VCAN: variants seen among roughly 807,000 people sequenced by gnomAD.
VCAN encodes the protein versican core protein.
A neutral mutation model predicts 245.5 loss-of-function variants in VCAN; 44 were observed. That is an observed-to-expected ratio of 0.18 (90% CI 0.14 to 0.23). The LOEUF is 0.23. Ranked by LOEUF, VCAN falls within the 10% of genes least tolerant of loss-of-function variation. The probability of loss-of-function intolerance (pLI) is 1.00; values close to 1 mark genes in which losing one functional copy is unlikely to be tolerated. For synonymous variants in VCAN, 1,413 were observed against 1,437.0 expected (o/e 0.98, Z 0.38); for missense variants, 3,793 against 4,057.9 (o/e 0.93, Z 1.77).
chr5:83,564,347 C>A (rs1747995546), intron 12 of VCAN, among the ~76,000 whole-genome samples: 1 of 152,040 alleles, frequency 6.6e-6, no homozygotes. Flanking sequence ...TGTTTCAAAA[C>A]CACATTCACA....
chr5:83,557,928 A>C (rs1747734039), intron 12 of VCAN, among the ~76,000 whole-genome samples: 1 of 152,162 alleles, frequency 6.6e-6, no homozygotes. Flanking sequence ...GAAATGACAC[A>C]AGTAAATCCA....
At chr5:83,558,002 CTAAGGAA>C (rs1473398835) in intron 12 of VCAN, among the ~76,000 whole-genome samples, 4 of 152,142 alleles carry the variant, frequency 2.6e-5, no homozygotes, top group Admixed American at 2.0e-4. Context: ...TAAAAGTGTG[CTAAGGAA>C]TGTCCCTTAA....
At chr5:83,505,308 A>G (rs571136632) in intron 5 of VCAN, among the ~76,000 whole-genome samples, 2 of 152,338 alleles carry the variant, frequency 1.3e-5, no homozygotes, top group Admixed American at 6.5e-5. Context: ...AAAAATCAAA[A>G]GCAAACTAGT....
intron 5 of VCAN, among the ~76,000 whole-genome samples, chr5:83,504,903 G>A (rs1282888960): frequency 6.6e-6 from 1 of 152,088 alleles, no homozygotes; most frequent in Non-Finnish European, 1.5e-5. Context: ...GGGAGGTGAA[G>A]GGGACTACTT....
intron 13 of VCAN, among the ~76,000 whole-genome samples, chr5:83,576,302 A>C (rs1404682370): frequency 1.3e-5 from 2 of 152,070 alleles, no homozygotes; most frequent in Non-Finnish European, 2.9e-5. Flanking sequence ...TTTGAACTTT[A>C]AATAAGTGGG....
chr5:83,577,467 T>A (rs1748526724), intron 13 of VCAN, among the ~76,000 whole-genome samples: 1 of 152,186 alleles, frequency 6.6e-6, no homozygotes, highest in Admixed American at 6.5e-5. Context: ...CCCTCCCTTC[T>A]GAACTTCCCC....
chr5:83,505,262 T>G (rs1469150316), intron 5 of VCAN, among the ~76,000 whole-genome samples: 2 of 152,194 alleles, frequency 1.3e-5, no homozygotes, highest in African/African-American at 2.4e-5. Flanking sequence ...AAGTCTCATT[T>G]GAGACAAGGC....
chr5:83,545,437 A>T, intron 8 of VCAN, 100 bp from the exon 9 acceptor site: 1 of 899,972 alleles, frequency 1.1e-6, no homozygotes, highest in South Asian at 1.3e-5. Flanking sequence ...GCTATGGTAA[A>T]GCCTATAATA....
At chr5:83,524,602 T>G (rs1480907298) in intron 7 of VCAN, among the ~76,000 whole-genome samples, 3 of 152,080 alleles carry the variant, frequency 2.0e-5, no homozygotes, top group Non-Finnish European at 4.4e-5. Flanking sequence ...ATCTGTATTT[T>G]TGTGTGTTCT....
chr5:83,541,506 A>G lies in VCAN; in HGVS notation c.8503A>G (p.Ser2835Gly). ...PSSPLTIYSGSEASGHTEIPQ... is the reference protein window; with the variant it reads ...PSSPLTIYSGGEASGHTEIPQ... ...ATCTCCCCTCACTATCTACTCAGGC[A>G]GTGAAGCCTCTGGACACACAGAGAT... Residue 2835 changes from serine (S) to glycine (G), a missense_variant, in exon 8 of 15, where the codon AGT becomes GGT. Coordinates refer to ENST00000265077, the MANE Select transcript of VCAN (RefSeq NM_004385.5). 1 of 1,614,034 alleles carries G rather than the reference A, an allele frequency of 6.2e-7. No homozygotes were observed. The highest frequency in any genetic ancestry group is 8.5e-7 in the Non-Finnish European group (1 of 1,179,998).
intron 5 of VCAN, among the ~76,000 whole-genome samples, chr5:83,496,157 C>G (rs1745153944): frequency 1.3e-5 from 2 of 152,156 alleles, no homozygotes; most frequent in South Asian, 4.1e-4. Context: ...TCCCCACAGT[C>G]TGCTCATAGT....
chr5:83,538,003 C>G lies in VCAN; in HGVS notation c.5000C>G (p.Thr1667Arg), dbSNP rs895723809. ...TDLSQRNTTD[T>R]LITLDTSRII... ...TTATCACAGAGAAATACTACTGATACACTCATTACTTTAGACACTAGCAGG... is the reference window on the plus strand; with the variant it reads ...TTATCACAGAGAAATACTACTGATAGACTCATTACTTTAGACACTAGCAGG... Residue 1667 changes from threonine (T) to arginine (R), a missense_variant, in exon 8 of 15, where the codon ACA becomes AGA. Transcript: ENST00000265077. The G allele has an allele frequency of 1.9e-6, 3 of 1,613,830 alleles. No homozygotes were observed. The highest frequency in any genetic ancestry group is 3.3e-5 in the Admixed American group (2 of 59,970).
chr5:83,509,180 G>A (rs1745574223), intron 5 of VCAN, among the ~76,000 whole-genome samples: 1 of 152,146 alleles, frequency 6.6e-6, no homozygotes, highest in Admixed American at 6.5e-5. Context: ...ATCATTCTAT[G>A]GGTATCAAAC....
chr5:83,552,749 A>G (rs2112469026), intron 10 of VCAN, among the ~76,000 whole-genome samples: 1 of 152,216 alleles, frequency 6.6e-6, no homozygotes, highest in East Asian at 1.9e-4. Flanking sequence ...ATCTTGATGC[A>G]TTTTCATTGG....
intron 12 of VCAN, among the ~76,000 whole-genome samples, chr5:83,571,671 T>A (rs1390514058): frequency 6.6e-6 from 1 of 152,154 alleles, no homozygotes; most frequent in Non-Finnish European, 1.5e-5. Flanking sequence ...TAAGATATAC[T>A]TTTGAAGGTG....
chr5:83,540,621 A>C lies in VCAN; in HGVS notation c.7618A>C (p.Thr2540Pro), dbSNP rs764183248. Residue 2540 changes from threonine to proline, a missense_variant, in exon 8 of 15, where the codon ACT becomes CCT. Transcript: ENST00000265077. ...CTTAAAACCTAACAGAAAAAAACCC[A>C]CTGAAAATATTATCATAGACCTGGA... is the stretch of plus-strand genomic sequence containing the variant. ...STLKPNRKKP[T>P]ENIIIDLDKE... 6.2e-7 allele frequency: 1 copy of C among 1,613,860 alleles called. No homozygotes were observed. Among genetic ancestry groups the C allele is most frequent in the South Asian group, 1.1e-5 (1 of 91,080 alleles).
chr5:83,569,075 A>G (rs73148664), intron 12 of VCAN, among the ~76,000 whole-genome samples: 88 of 152,310 alleles, frequency 5.8e-4, no homozygotes, highest in African/African-American at 2.1e-3. Flanking sequence ...TTGTCTGGCT[A>G]TATCATAATT....
In VCAN at chr5:83,507,710, C is replaced by G. The variant is rs368476513; in HGVS notation, c.749-4393C>G. ...TATGAGCATTCATTTTTGGACCAAG[C>G]CTGGATTTACAATTCTATTACTGGC... On this transcript the variant is annotated intron_variant, in intron 5 of 14. Coordinates refer to ENST00000265077, the MANE Select transcript of VCAN (RefSeq NM_004385.5). Among the ~76,000 whole-genome samples the G allele has an allele frequency of 2.6e-5, 4 of 152,274 alleles. No individual in the cohort carries two copies. The South Asian group carries it at 6.2e-4, about 24-fold the overall frequency.
chr5:83,510,025 C>A (rs766988512), intron 5 of VCAN, among the ~76,000 whole-genome samples: 4 of 152,154 alleles, frequency 2.6e-5, no homozygotes, highest in Non-Finnish European at 5.9e-5. Context: ...GTAACTGGCC[C>A]TGTGACCCTT....
Sources: allele counts gnomAD v4.1 joint callset (sites outside exome capture counted in the v4.1 genomes callset), GRCh38; gene constraint gnomAD v4.1.1; transcripts MANE v1.5; gene names NCBI Gene and HGNC (gene_info 2026-07-23, HGNC 2026-07-21).